The following PLCB4 variants were observed in gnomAD, a reference collection of about 807,000 sequenced individuals.
PLCB4 encodes the protein 1-phosphatidylinositol 4,5-bisphosphate phosphodiesterase beta-4.
A neutral mutation model predicts 178.8 loss-of-function variants in PLCB4; 77 were observed. That is an observed-to-expected ratio of 0.43 (90% confidence interval 0.36 to 0.52). The LOEUF is 0.52. Ranked by LOEUF, PLCB4 falls within the 20% of genes least tolerant of loss-of-function variation. The pLI is 0.00. For synonymous variants in PLCB4, 496 were observed against 490.8 expected (o/e 1.01, Z -0.14); for missense variants, 1,024 against 1,453.4 (o/e 0.70, Z 4.80).
chr20:9,424,345 A>G (rs979102238), intron 28 of PLCB4, among the ~76,000 whole-genome samples: 3 of 152,182 alleles, frequency 2.0e-5, no homozygotes, highest in African/African-American at 7.2e-5. Flanking sequence ...AGCTATCAAC[A>G]TGCCTGAATT....
chr20:9,375,969 T>C (rs1284535510), intron 12 of PLCB4, among the ~76,000 whole-genome samples: 1 of 152,148 alleles, frequency 6.6e-6, no homozygotes, highest in Non-Finnish European at 1.5e-5. Flanking sequence ...ACTCTTTCTA[T>C]GAAAGTTTTT....
chr20:9,368,767 G>A (rs1318664643), intron 9 of PLCB4, among the ~76,000 whole-genome samples: 1 of 152,122 alleles, frequency 6.6e-6, no homozygotes, highest in Non-Finnish European at 1.5e-5. Context: ...TGCTGTTTTA[G>A]CCACTTGCGA....
intron 2 of PLCB4, among the ~76,000 whole-genome samples, chr20:9,108,156 A>C (rs114835911): frequency 0.012 from 1,770 of 152,326 alleles, 41 homozygotes; most frequent in African/African-American, 0.041. Flanking sequence ...TAGGTGTCCA[A>C]AATGAAGACA....
At chr20:9,412,384 G>T (rs1013174110) in intron 25 of PLCB4, among the ~76,000 whole-genome samples, 2 of 152,074 alleles carry the variant, frequency 1.3e-5, no homozygotes, top group African/African-American at 4.8e-5. Flanking sequence ...GCTGCTCCTA[G>T]TTCTTGCTGT....
intron 3 of PLCB4, among the ~76,000 whole-genome samples, chr20:9,294,292 G>A (rs1378599468): frequency 2.6e-5 from 4 of 152,160 alleles, no homozygotes; most frequent in African/African-American, 7.2e-5. Context: ...TGTGTTGGCT[G>A]AGGGTTTGGT....
chr20:9,105,178 G>T (rs1363984079), intron 2 of PLCB4, among the ~76,000 whole-genome samples: 2 of 151,972 alleles, frequency 1.3e-5, no homozygotes, highest in Admixed American at 1.3e-4. Context: ...AAAAATTGAT[G>T]ATTTAATTAC....
chr20:9,411,924 T>C (rs1227389641), intron 25 of PLCB4, among the ~76,000 whole-genome samples: 2 of 152,182 alleles, frequency 1.3e-5, no homozygotes, highest in Non-Finnish European at 2.9e-5. Flanking sequence ...TTTTTATCAC[T>C]GAACACTGCC....
intron 3 of PLCB4, among the ~76,000 whole-genome samples, chr20:9,245,214 CT>C (rs1374709330): frequency 6.6e-6 from 1 of 152,160 alleles, no homozygotes; most frequent in African/African-American, 2.4e-5. Flanking sequence ...CACCAAGTCA[CT>C]TCTGCTGCAT....
chr20:9,305,670 C>T (rs963118101), intron 3 of PLCB4, among the ~76,000 whole-genome samples: 6 of 152,112 alleles, frequency 3.9e-5, no homozygotes, highest in African/African-American at 1.2e-4. Context: ...GTATATAATA[C>T]ATTAAATTTT....
chr20:9,394,339 A>G (rs372415253), intron 18 of PLCB4, among the ~76,000 whole-genome samples: 2 of 152,190 alleles, frequency 1.3e-5, no homozygotes, highest in African/African-American at 4.8e-5. Context: ...AATCAAGACA[A>G]TGAAAAGTGT....
intron 38 of PLCB4, among the ~76,000 whole-genome samples, chr20:9,476,074 C>T (rs1030157497): frequency 1.4e-4 from 22 of 152,208 alleles, no homozygotes; most frequent in African/African-American, 4.8e-4. Context: ...TCCCAAATCT[C>T]CCCTTCCAAA....
chr20:9,206,343 AC>A (rs1274892479), intron 2 of PLCB4, among the ~76,000 whole-genome samples: 2 of 132,542 alleles, frequency 1.5e-5, no homozygotes, highest in Non-Finnish European at 3.2e-5. Flanking sequence ...TCAGTAAGAA[AC>A]CCTTTGTATT....
intron 35 of PLCB4, among the ~76,000 whole-genome samples, chr20:9,462,231 GTT>G (rs1469604959): frequency 3.9e-5 from 6 of 152,050 alleles, no homozygotes; most frequent in Non-Finnish European, 8.8e-5. Context: ...TCAACAAAAA[GTT>G]CATCTACACC....
chr20:9,402,720 G>A lies in PLCB4; in HGVS notation c.1611+1130G>A, dbSNP rs188274957. 7.2e-5 allele frequency among the ~76,000 whole-genome samples: 11 copies of A among 152,290 alleles called. No homozygotes were observed. In the East Asian group the frequency reaches 1.7e-3, roughly 24 times the overall value. On this transcript the variant is annotated intron_variant, in intron 20 of 39. Coordinates refer to ENST00000378473, the MANE Select transcript of PLCB4 (RefSeq NM_001377142.1). ...TCAAGACATATTGAGAAATGGGACA[G>A]CCTACTGATGGATGGAATGTGGGAA...
At chr20:9,353,068 A>T (rs1381242301) in intron 7 of PLCB4, among the ~76,000 whole-genome samples, 1 of 152,052 alleles carries the variant, frequency 6.6e-6, no homozygotes, top group Non-Finnish European at 1.5e-5. Flanking sequence ...AAACTTTATG[A>T]GGATTATTAT....
chr20:9,139,609 A>T (rs2092448243), intron 2 of PLCB4, among the ~76,000 whole-genome samples: 1 of 151,756 alleles, frequency 6.6e-6, no homozygotes, highest in Admixed American at 6.6e-5. Context: ...CTGGGTGACC[A>T]CTCCCAGTGC....
intron 37 of PLCB4, 138 bp from the exon 38 acceptor site, chr20:9,473,141 C>G: frequency 1.7e-6 from 1 of 578,908 alleles, no homozygotes; most frequent in Non-Finnish European, 3.0e-6. Context: ...AGTTTAAACT[C>G]TCCAAATTTT....
chr20:9,387,763 CTG>C (rs1199223012), intron 15 of PLCB4, among the ~76,000 whole-genome samples: 2 of 152,348 alleles, frequency 1.3e-5, no homozygotes, highest in South Asian at 4.1e-4. Context: ...CAAATGGTGA[CTG>C]TGTTACATAA....
In PLCB4 at chr20:9,459,870, G is replaced by T. The variant is rs751623864; in HGVS notation, c.3248+60G>T. ...ATATTTAAAAACAAAAGCTGATTTT[G>T]TGTGTATAAGAGAGCCAAGGTAATA... On this transcript the variant is annotated intron_variant, in intron 35 of 39. Coordinates refer to ENST00000378473, the MANE Select transcript of PLCB4 (RefSeq NM_001377142.1). The T allele has an allele frequency of 1.0e-5, 12 of 1,186,736 alleles. No individual in the cohort carries two copies. In the Admixed American group the frequency reaches 2.2e-4, roughly 22 times the overall value. The allele number at this position is 1,186,736 out of a possible 1,614,324, so 73.5% of individuals were successfully genotyped here.
Sources: allele counts gnomAD v4.1 joint callset (sites outside exome capture counted in the v4.1 genomes callset), GRCh38; gene constraint gnomAD v4.1.1; transcripts MANE v1.5; gene names NCBI Gene and HGNC (gene_info 2026-07-23, HGNC 2026-07-21).